Variants in LAMA2 observed in about 807,000 individuals in gnomAD.
LAMA2 encodes the protein laminin subunit alpha 2, also known as laminin subunit alpha-2.
In LAMA2, 269 loss-of-function variants were observed where a neutral mutation model predicts 364.8. That is an observed-to-expected ratio of 0.74 (90% CI 0.67 to 0.82). LAMA2 has a LOEUF of 0.82. LAMA2 is among the 40% of genes least tolerant of loss of function. The probability of loss-of-function intolerance (pLI) is 0.00; values close to 1 mark genes in which losing one functional copy is unlikely to be tolerated. For synonymous variants in LAMA2, 1,379 were observed against 1,370.6 expected, an observed-to-expected ratio of 1.01 and a Z score of -0.14; for missense variants, 3,807 against 3,873.2, an observed-to-expected ratio of 0.98 and a Z score of 0.45.
rs534954298 is a variant in LAMA2 at position 129,512,244 on chromosome 6, C to A, written c.8858-119C>A. On this transcript the variant is annotated intron_variant, in intron 62 of 64. Coordinates refer to ENST00000421865, the MANE Select transcript of LAMA2 (RefSeq NM_000426.4). ...CCAGGCAGGATCTGAAACTTATAGC[C>A]CTCATTAGAATTAGCTAGCATTTGA... is the stretch of plus-strand genomic sequence containing the variant. 19 of 940,548 alleles carry A rather than the reference C, an allele frequency of 2.0e-5. No individual in the cohort carries two copies. The African/African-American group carries it at 2.1e-4, about 11-fold the overall frequency. 58.3% of individuals were successfully genotyped at this position (940,548 alleles called of 1,614,324 possible). A position where few individuals can be genotyped will look rare whatever the true frequency, so the allele number is the denominator to read the frequency against.
At chr6:128,985,839 A>G (rs1783198094) in intron 1 of LAMA2, among the ~76,000 whole-genome samples, 1 of 152,188 alleles carries the variant, frequency 6.6e-6, no homozygotes, top group African/African-American at 2.4e-5. Context: ...ATAATGACAC[A>G]CTAAAAAATG....
At chr6:129,056,053 A>G (rs1244018678) in intron 2 of LAMA2, among the ~76,000 whole-genome samples, 2 of 152,234 alleles carry the variant, frequency 1.3e-5, no homozygotes, top group Non-Finnish European at 2.9e-5. Context: ...ATTTCCTATT[A>G]GACAACTTCT....
chr6:129,225,397 G>C (rs1428190884), intron 12 of LAMA2, among the ~76,000 whole-genome samples: 1 of 152,104 alleles, frequency 6.6e-6, no homozygotes, highest in Non-Finnish European at 1.5e-5. Context: ...GTTTGCTCTT[G>C]CTTCTCTAGT....
At chr6:129,207,005 A>G (rs1782721098) in intron 12 of LAMA2, among the ~76,000 whole-genome samples, 2 of 152,356 alleles carry the variant, frequency 1.3e-5, no homozygotes, top group South Asian at 4.1e-4. Context: ...CCCATCTCTC[A>G]AACTGAAGCC....
chr6:129,349,636 T>C lies in LAMA2; in HGVS notation c.4523+252T>C, dbSNP rs1050155265. ...CAATTATCTAACTTATGCTTTAGTA[T>C]ATATATATATATAATTTTATATGTA... On this transcript the variant is annotated intron_variant, in intron 31 of 64. Transcript: ENST00000421865. Among the ~76,000 whole-genome samples the C allele has an allele frequency of 4.0e-5, 6 of 150,080 alleles. 1 individual carries two copies. The Admixed American group carries it at 4.0e-4, about 10-fold the overall frequency.
chr6:129,083,048 GATTT>G (rs1027973190), intron 3 of LAMA2, among the ~76,000 whole-genome samples: 92 of 149,164 alleles, frequency 6.2e-4, no homozygotes, highest in African/African-American at 2.2e-3. Flanking sequence ...TTAACGTTTG[GATTT>G]ATTTCTGTCT....
At chr6:129,325,238 A>G (rs943750632) in intron 28 of LAMA2, among the ~76,000 whole-genome samples, 1 of 152,228 alleles carries the variant, frequency 6.6e-6, no homozygotes, top group African/African-American at 2.4e-5. Flanking sequence ...TGAGCCATGA[A>G]TAATTTCAAC....
intron 17 of LAMA2, among the ~76,000 whole-genome samples, chr6:129,278,278 G>C (rs1346743324): frequency 3.9e-5 from 6 of 152,180 alleles, no homozygotes; most frequent in Admixed American, 2.6e-4. Flanking sequence ...ATGATAAACT[G>C]ATTTAGGATT....
At chr6:129,497,251 CT>C (rs1019543191) in intron 58 of LAMA2, among the ~76,000 whole-genome samples, 2 of 151,734 alleles carry the variant, frequency 1.3e-5, no homozygotes, top group African/African-American at 4.8e-5. Flanking sequence ...AATTTAGATT[CT>C]TTATTTTTTT....
intron 4 of LAMA2, among the ~76,000 whole-genome samples, chr6:129,126,435 T>G (rs934264850): frequency 6.6e-6 from 1 of 152,226 alleles, no homozygotes; most frequent in African/African-American, 2.4e-5. Context: ...TAGTTTTACA[T>G]AAAAATAAAA....
chr6:128,917,842 TC>T (rs1465523032), intron 1 of LAMA2, among the ~76,000 whole-genome samples: 1 of 150,136 alleles, frequency 6.7e-6, no homozygotes, highest in Non-Finnish European at 1.5e-5. Flanking sequence ...CAAGTGATAC[TC>T]CCACTTCAGC....
intron 32 of LAMA2, among the ~76,000 whole-genome samples, chr6:129,353,573 A>G (rs186812202): frequency 1.3e-5 from 2 of 151,604 alleles, no homozygotes; most frequent in East Asian, 3.9e-4. Flanking sequence ...GAAAATCCTC[A>G]GTGTGCTTTA....
At chr6:128,950,612 C>G (rs1195350788) in intron 1 of LAMA2, among the ~76,000 whole-genome samples, 2 of 152,110 alleles carry the variant, frequency 1.3e-5, no homozygotes, top group African/African-American at 4.8e-5. Context: ...GATTGAACCT[C>G]TTTCTCTCCC....
At chr6:128,910,622 C>T (rs1292319919) in intron 1 of LAMA2, among the ~76,000 whole-genome samples, 2 of 152,196 alleles carry the variant, frequency 1.3e-5, no homozygotes, top group Non-Finnish European at 2.9e-5. Flanking sequence ...CATCTGAAGC[C>T]TTCTTCTCTC....
chr6:129,049,185 A>G (rs1787818903), intron 1 of LAMA2, among the ~76,000 whole-genome samples: 1 of 152,150 alleles, frequency 6.6e-6, no homozygotes, highest in Non-Finnish European at 1.5e-5. Context: ...GGAAGAAAAG[A>G]GACTGAATTT....
chr6:129,258,825 A>T (rs955375208), intron 14 of LAMA2, among the ~76,000 whole-genome samples: 1 of 152,034 alleles, frequency 6.6e-6, no homozygotes, highest in Non-Finnish European at 1.5e-5. Flanking sequence ...TGAGGGGGGA[A>T]AAAAGCATTT....
At chr6:129,494,742 AT>A (rs1298306491) in intron 58 of LAMA2, among the ~76,000 whole-genome samples, 1 of 152,164 alleles carries the variant, frequency 6.6e-6, no homozygotes, top group Non-Finnish European at 1.5e-5. Context: ...TGCCACATGG[AT>A]TTCAGAATGT....
At chr6:129,044,556 C>CAT (rs140218566) in intron 1 of LAMA2, among the ~76,000 whole-genome samples, 20,523 of 148,132 alleles carry the variant, frequency 0.14, 1,484 homozygotes, top group South Asian at 0.17. Context: ...ATCCTATTAC[C>CAT]ATATATATAT....
chr6:129,338,920 A>G (rs894375080), intron 29 of LAMA2, among the ~76,000 whole-genome samples: 2 of 139,444 alleles, frequency 1.4e-5, no homozygotes, highest in Non-Finnish European at 3.1e-5. Context: ...ATGCAAAGAA[A>G]GCAGTGGCTA....
Sources: allele counts gnomAD v4.1 joint callset (sites outside exome capture counted in the v4.1 genomes callset), GRCh38; gene constraint gnomAD v4.1.1; transcripts MANE v1.5; gene names NCBI Gene and HGNC (gene_info 2026-07-23, HGNC 2026-07-21).